Variants in ZNF385D observed in about 807,000 individuals in gnomAD.
ZNF385D encodes the protein zinc finger protein 659.
In ZNF385D, 15 loss-of-function variants were observed where a neutral mutation model predicts 35.8. That is an observed-to-expected ratio of 0.42 (90% confidence interval 0.28 to 0.64). The LOEUF (loss-of-function observed/expected upper bound fraction) is 0.64. ZNF385D is among the 30% of genes least tolerant of loss of function. ZNF385D has a pLI of 0.23. For synonymous variants in ZNF385D, 212 were observed against 186.8 expected (o/e 1.13, Z -1.10); for missense variants, 474 against 494.6 (o/e 0.96, Z 0.39).
rs527708578 is a variant in ZNF385D, at chr3:22,162,098, A to AT, written c.325+6718dup. Among the ~76,000 whole-genome samples the AT allele has an allele frequency of 3.0e-4, 46 of 152,314 alleles. 1 individual carries two copies. Among genetic ancestry groups the AT allele is most frequent in the African/African-American group, 9.9e-4 (41 of 41,578 alleles). On this transcript the variant is annotated intron_variant, in intron 3 of 5. Transcript: ENST00000494108. ...CTAGTTCCCTTCTCATTTCTTTTGC[A>AT]TTTTTGATGGCAAATCTTAACTCAC...
At chr3:22,294,859 A>C (rs1265044119) in intron 2 of ZNF385D, among the ~76,000 whole-genome samples, 1 of 152,172 alleles carries the variant, frequency 6.6e-6, no homozygotes, top group Admixed American at 6.6e-5. Flanking sequence ...ATCTGTTACC[A>C]CTATTAGATA....
chr3:21,987,454 C>T (rs1342539306), intron 3 of ZNF385D, among the ~76,000 whole-genome samples: 1 of 120,088 alleles, frequency 8.3e-6, no homozygotes, highest in Non-Finnish European at 1.6e-5. Flanking sequence ...ATATGAAATT[C>T]TGGGTTGAAA....
At chr3:21,655,649 A>G (rs1291740885) in intron 2 of ZNF385D, among the ~76,000 whole-genome samples, 1 of 152,014 alleles carries the variant, frequency 6.6e-6, no homozygotes, top group Non-Finnish European at 1.5e-5. Context: ...ATACCAAATT[A>G]TTAAGTTAAT....
chr3:22,031,218 C>G (rs547276760), intron 3 of ZNF385D, among the ~76,000 whole-genome samples: 66 of 152,302 alleles, frequency 4.3e-4, no homozygotes, highest in Non-Finnish European at 9.1e-4. Context: ...AGAATGGTAG[C>G]CCTTTTCTCA....
chr3:21,464,587 G>A (rs908775239), intron 4 of ZNF385D, among the ~76,000 whole-genome samples: 4 of 151,932 alleles, frequency 2.6e-5, no homozygotes, highest in South Asian at 4.2e-4. Flanking sequence ...AATAGATTAC[G>A]CTCTAGAATT....
At chr3:21,555,268 C>T (rs1392172745) in intron 3 of ZNF385D, among the ~76,000 whole-genome samples, 1 of 150,128 alleles carries the variant, frequency 6.7e-6, no homozygotes, top group Admixed American at 6.7e-5. Context: ...GCAGAACGTG[C>T]AGGTTTGTTA....
At chr3:21,966,347 A>C (rs372676332) in intron 3 of ZNF385D, among the ~76,000 whole-genome samples, 1 of 152,336 alleles carries the variant, frequency 6.6e-6, no homozygotes, top group East Asian at 1.9e-4. Context: ...TTTTAAAGCT[A>C]AGGAACTAAC....
chr3:21,660,383 T>C (rs2066201975), intron 2 of ZNF385D, among the ~76,000 whole-genome samples: 1 of 152,146 alleles, frequency 6.6e-6, no homozygotes, highest in Non-Finnish European at 1.5e-5. Flanking sequence ...AAATATTTAC[T>C]GAGTATCTGG....
intron 3 of ZNF385D, among the ~76,000 whole-genome samples, chr3:21,967,750 G>T (rs1322394167): frequency 6.6e-6 from 1 of 152,234 alleles, no homozygotes; most frequent in Admixed American, 6.5e-5. Flanking sequence ...TTTAGGACTT[G>T]AGTGACCAAA....
At chr3:21,445,199 A>C (rs2125259069) in intron 4 of ZNF385D, among the ~76,000 whole-genome samples, 1 of 152,336 alleles carries the variant, frequency 6.6e-6, no homozygotes, top group South Asian at 2.1e-4. Context: ...ATCAAGTCAA[A>C]GCGTATATTC....
At chr3:21,581,414 G>GTGAT (rs1251585911) in intron 2 of ZNF385D, among the ~76,000 whole-genome samples, 3 of 152,136 alleles carry the variant, frequency 2.0e-5, no homozygotes, top group Non-Finnish European at 2.9e-5. Context: ...CTAGTGCCAT[G>GTGAT]TGATTTACCA....
At chr3:22,175,817 A>T (rs1694790799) in intron 2 of ZNF385D, among the ~76,000 whole-genome samples, 2 of 150,768 alleles carry the variant, frequency 1.3e-5, no homozygotes, top group Admixed American at 1.3e-4. Flanking sequence ...ATATATATAT[A>T]AATCAAATAA....
chr3:22,006,544 G>C (rs1490170772), intron 3 of ZNF385D, among the ~76,000 whole-genome samples: 1 of 151,744 alleles, frequency 6.6e-6, no homozygotes, highest in Non-Finnish European at 1.5e-5. Flanking sequence ...GGAAAAGATA[G>C]GAAAGATAAA....
intron 3 of ZNF385D, among the ~76,000 whole-genome samples, chr3:22,044,108 T>A (rs1278587916): frequency 7.5e-6 from 1 of 133,234 alleles, no homozygotes. Flanking sequence ...TTTTTTTTTT[T>A]AATGTAATGG....
chr3:21,718,023 G>GCACCA, intron 1 of ZNF385D, among the ~76,000 whole-genome samples: 1 of 152,282 alleles, frequency 6.6e-6, no homozygotes, highest in East Asian at 1.9e-4. Context: ...GTCTGGGGAG[G>GCACCA]CACCACAGAA....
intron 3 of ZNF385D, among the ~76,000 whole-genome samples, chr3:21,927,116 C>T (rs1471547934): frequency 1.3e-5 from 2 of 151,968 alleles, no homozygotes; most frequent in Admixed American, 6.6e-5. Flanking sequence ...GAATCTGACA[C>T]CTCCCTCCCC....
intron 3 of ZNF385D, among the ~76,000 whole-genome samples, chr3:21,770,765 T>C (rs4352390): frequency 0.13 from 20,412 of 152,182 alleles, 1,584 homozygotes; most frequent in African/African-American, 0.21. Flanking sequence ...TTATAAATCA[T>C]GCTGCTATAA....
At chr3:22,162,142 A>G (rs970394982) in intron 3 of ZNF385D, among the ~76,000 whole-genome samples, 3 of 152,192 alleles carry the variant, frequency 2.0e-5, no homozygotes, top group Non-Finnish European at 4.4e-5. Flanking sequence ...AATGGAAAAT[A>G]AGAGTTAAGG....
At chr3:21,807,120 G>A (rs776931522) in intron 3 of ZNF385D, among the ~76,000 whole-genome samples, 1 of 152,116 alleles carries the variant, frequency 6.6e-6, no homozygotes, top group South Asian at 2.1e-4. Context: ...AATCAGATGT[G>A]TAATTTTCAA....
Sources: allele counts gnomAD v4.1 joint callset (sites outside exome capture counted in the v4.1 genomes callset), GRCh38; gene constraint gnomAD v4.1.1; transcripts MANE v1.5; gene names NCBI Gene and HGNC (gene_info 2026-07-23, HGNC 2026-07-21).